The following MLLT10 variants were observed in gnomAD, a reference collection of about 807,000 sequenced individuals.
MLLT10 encodes the protein MLLT10 histone lysine methyltransferase DOT1L cofactor, also known as protein AF-10.
Under a neutral mutation model 129.1 loss-of-function variants are expected in MLLT10, and 30 were observed. That is an observed-to-expected ratio of 0.23 (90% CI 0.17 to 0.32). The LOEUF is 0.32. Ranked by LOEUF, MLLT10 falls within the 10% of genes least tolerant of loss-of-function variation. MLLT10 has a pLI of 1.00. For synonymous variants in MLLT10, 490 were observed against 446.4 expected (o/e 1.10, Z -1.23); for missense variants, 1,119 against 1,268.3 (o/e 0.88, Z 1.79).
chr10:21,698,016 A>G (rs899506570), intron 13 of MLLT10, among the ~76,000 whole-genome samples: 2 of 152,204 alleles, frequency 1.3e-5, no homozygotes, highest in African/African-American at 4.8e-5. Context: ...AAGTCAGGGT[A>G]TGTGGGGTAT....
intron 7 of MLLT10, among the ~76,000 whole-genome samples, chr10:21,615,471 AAAAG>A: frequency 7.4e-6 from 1 of 135,396 alleles, no homozygotes; most frequent in South Asian, 2.3e-4. Flanking sequence ...AAAAAAAAAA[AAAAG>A]AAAAAAAAAA....
intron 14 of MLLT10, among the ~76,000 whole-genome samples, chr10:21,722,742 C>T (rs554049841): frequency 6.4e-4 from 98 of 152,162 alleles, no homozygotes; most frequent in Middle Eastern, 6.8e-3. Context: ...CTTGGAGGTA[C>T]CCAGTCTTTC....
chr10:21,653,983 G>A (rs1199088869), intron 9 of MLLT10, among the ~76,000 whole-genome samples: 1 of 152,214 alleles, frequency 6.6e-6, no homozygotes, highest in Non-Finnish European at 1.5e-5. Context: ...AACCGACAAA[G>A]GAGACTGAGA....
intron 5 of MLLT10, among the ~76,000 whole-genome samples, chr10:21,604,846 G>C (rs891906242): frequency 2.0e-5 from 3 of 151,832 alleles, no homozygotes; most frequent in Admixed American, 6.6e-5. Flanking sequence ...CTTGGTCCTG[G>C]ATTGGCAGCC....
chr10:21,665,308 G>GA (rs942880017), intron 9 of MLLT10, among the ~76,000 whole-genome samples: 2 of 136,528 alleles, frequency 1.5e-5, no homozygotes, highest in Admixed American at 7.2e-5. Flanking sequence ...TTTTGGGGGG[G>GA]GGGGGGTTTC....
At chr10:21,565,984 T>G (rs145601195) in intron 3 of MLLT10, among the ~76,000 whole-genome samples, 3,687 of 138,042 alleles carry the variant, frequency 0.027, 192 homozygotes, top group African/African-American at 0.095. Flanking sequence ...ATGGAGTATC[T>G]CTCTGTCACC....
chr10:21,707,135 A>T (rs1026543083), intron 13 of MLLT10, among the ~76,000 whole-genome samples: 1 of 150,126 alleles, frequency 6.7e-6, no homozygotes, highest in African/African-American at 2.5e-5. Flanking sequence ...GAAACCCATG[A>T]CTCATTCATC....
In MLLT10 at chr10:21,534,452, G is replaced by T. The variant is rs2033417917; in HGVS notation, c.-69G>T. ...CGGAGGAGGCGGTGGAGGGGAGGTGGGGGGAATCAGCAAGGACATGGCTCC... is the reference window on the plus strand; with the variant it reads ...CGGAGGAGGCGGTGGAGGGGAGGTGTGGGGAATCAGCAAGGACATGGCTCC... On this transcript the variant is annotated 5_prime_UTR_variant, in exon 1 of 23. Transcript: ENST00000307729. 2 of 512,098 alleles carry T rather than the reference G, an allele frequency of 3.9e-6. No individual in the cohort carries two copies. The highest frequency in any genetic ancestry group is 7.3e-5 in the Admixed American group (2 of 27,434). 31.7% of individuals were successfully genotyped at this position (512,098 alleles called of 1,614,324 possible).
chr10:21,646,612 A>G (rs2048503803), intron 8 of MLLT10, among the ~76,000 whole-genome samples: 2 of 152,154 alleles, frequency 1.3e-5, no homozygotes, highest in African/African-American at 4.8e-5. Context: ...AAGGATTGAG[A>G]TATCATGTGT....
At chr10:21,605,292 C>T (rs1429720816) in intron 5 of MLLT10, among the ~76,000 whole-genome samples, 2 of 151,970 alleles carry the variant, frequency 1.3e-5, no homozygotes, top group Non-Finnish European at 2.9e-5. Context: ...TGCCGCTGCC[C>T]AGCATCACAA....
At chr10:21,734,403 T>C (rs2058195652) in intron 20 of MLLT10, among the ~76,000 whole-genome samples, 1 of 152,222 alleles carries the variant, frequency 6.6e-6, no homozygotes, top group African/African-American at 2.4e-5. Flanking sequence ...TCTTATTTCT[T>C]TGTATACTGT....
intron 4 of MLLT10, among the ~76,000 whole-genome samples, chr10:21,589,072 C>T (rs888484502): frequency 2.0e-5 from 3 of 151,994 alleles, no homozygotes; most frequent in Non-Finnish European, 4.4e-5. Context: ...CCACCATGCC[C>T]AGCCACAATT....
intron 2 of MLLT10, among the ~76,000 whole-genome samples, chr10:21,535,333 G>A (rs1398419613): frequency 6.6e-6 from 1 of 152,192 alleles, no homozygotes; most frequent in African/African-American, 2.4e-5. Flanking sequence ...TCTTTAGATG[G>A]GGAGGGATGC....
intron 3 of MLLT10, among the ~76,000 whole-genome samples, chr10:21,560,583 G>A (rs891982779): frequency 1.3e-5 from 2 of 151,842 alleles, no homozygotes; most frequent in South Asian, 2.1e-4. Flanking sequence ...TCACAGGCAC[G>A]TACTACCACC....
chr10:21,692,321 A>ATATTATTAT (rs149552027), intron 13 of MLLT10, among the ~76,000 whole-genome samples: 86 of 150,710 alleles, frequency 5.7e-4, no homozygotes, highest in African/African-American at 2.0e-3. Flanking sequence ...CACAATGGTT[A>ATATTATTAT]TATTATTATT....
At position 21,733,184 on chromosome 10, in the gene MLLT10, G is replaced by A; in HGVS notation, c.2407+97G>A. 4 of 1,236,998 alleles carry A rather than the reference G, an allele frequency of 3.2e-6. No homozygotes were observed. The South Asian group carries it at 5.1e-5, about 16-fold the overall frequency. 76.6% of individuals were successfully genotyped at this position (1,236,998 alleles called of 1,614,324 possible). A position where few individuals can be genotyped will look rare whatever the true frequency, so the allele number is the denominator to read the frequency against. On this transcript the variant is annotated intron_variant, in intron 18 of 22. Transcript: ENST00000307729. Reference sequence around the variant, plus strand: ...AATAATTGGTCACCAGTTATATGAAGATGTAGAAAAGGAACTATAGGTTGT... The same window carrying A: ...AATAATTGGTCACCAGTTATATGAAAATGTAGAAAAGGAACTATAGGTTGT...
At chr10:21,712,502 A>G (rs1055433301) in intron 13 of MLLT10, among the ~76,000 whole-genome samples, 1 of 152,210 alleles carries the variant, frequency 6.6e-6, no homozygotes, top group African/African-American at 2.4e-5. Context: ...CTAGGGCTAC[A>G]GTTGCTAATT....
intron 2 of MLLT10, among the ~76,000 whole-genome samples, chr10:21,536,000 G>A (rs755899004): frequency 1.3e-5 from 2 of 152,160 alleles, no homozygotes; most frequent in Non-Finnish European, 2.9e-5. Flanking sequence ...GTGCAGTGGT[G>A]CCATCTCAGC....
At chr10:21,706,647 G>A (rs1456244006) in intron 13 of MLLT10, among the ~76,000 whole-genome samples, 1 of 152,266 alleles carries the variant, frequency 6.6e-6, no homozygotes, top group South Asian at 2.1e-4. Context: ...GTACTTACTT[G>A]ACCTCCTAGG....
Sources: gnomAD v4.1 joint callset for allele counts (sites outside exome capture counted in the v4.1 genomes callset) on GRCh38, gnomAD v4.1.1 for gene constraint, MANE v1.5 for transcripts, NCBI Gene and HGNC (gene_info 2026-07-23, HGNC 2026-07-21) for gene names.